Variants in NOP58 observed in about 807,000 individuals in gnomAD.
NOP58 encodes NOP58 ribonucleoprotein.
A neutral mutation model predicts 71.2 loss-of-function variants in NOP58; 44 were observed. That is an observed-to-expected ratio of 0.62 (90% CI 0.49 to 0.79). NOP58 has a LOEUF of 0.79. NOP58 is among the 30% of genes least tolerant of loss of function. The pLI is 0.00. For synonymous variants in NOP58, 228 were observed against 200.3 expected (o/e 1.14, Z -1.17); for missense variants, 538 against 620.2 (o/e 0.87, Z 1.41).
intron 1 of NOP58, among the ~76,000 whole-genome samples, chr2:202,268,307 G>C (rs1350409021): frequency 2.0e-5 from 3 of 151,978 alleles, no homozygotes; most frequent in Non-Finnish European, 2.9e-5. Context: ...GGCCGAGGCC[G>C]GCGGATCACA....
chr2:202,297,247 A>AT, intron 10 of NOP58, 132 bp from the exon 11 acceptor site: 1 of 761,176 alleles, frequency 1.3e-6, no homozygotes, highest in Non-Finnish European at 2.0e-6. Flanking sequence ...ATTGTGGCAA[A>AT]GGTTGAAATA....
intron 3 of NOP58, 26 bp from the exon 4 acceptor site, chr2:202,282,324 GC>G (rs764400970): frequency 1.9e-6 from 3 of 1,583,988 alleles, no homozygotes; most frequent in Non-Finnish European, 2.6e-6. Flanking sequence ...GAGAGTTAAT[GC>G]TTTTGTTTTT....
At chr2:202,273,904 C>CT (rs1688546804) in intron 1 of NOP58, among the ~76,000 whole-genome samples, 1 of 151,098 alleles carries the variant, frequency 6.6e-6, no homozygotes, top group Non-Finnish European at 1.5e-5. Flanking sequence ...GATTGCGCCA[C>CT]TGCACTCCAG....
chr2:202,284,639 A>G (rs1211186761), intron 5 of NOP58, 158 bp downstream of exon 5: 18 of 730,874 alleles, frequency 2.5e-5, no homozygotes, highest in Non-Finnish European at 3.8e-5. Context: ...ACTGAAGCCC[A>G]AGGTCAATAC....
chr2:202,265,790 A>C lies in NOP58; in HGVS notation c.-152A>C, dbSNP rs1224780183. The C allele has an allele frequency of 1.3e-5, 10 of 762,754 alleles. No individual in the cohort carries two copies. Among genetic ancestry groups the C allele is most frequent in the Non-Finnish European group, 2.2e-5 (10 of 447,422 alleles). 47.2% of individuals were successfully genotyped at this position (762,754 alleles called of 1,614,324 possible). ...AGTTCCAGTACAGCGTGGAGGGTTT[A>C]GGCAGCGTGTTCTGATTCTTTGCGG... On this transcript the variant is annotated 5_prime_UTR_variant, in exon 1 of 15. Coordinates refer to ENST00000264279, the MANE Select transcript of NOP58 (RefSeq NM_015934.5).
Position 202,290,363 on chromosome 2 carries a change from T to G in NOP58, c.540T>G (p.Ile180Met), listed in dbSNP as rs1175872067. Reference sequence around the variant, plus strand: ...TGGATAAAGAACTAAACAACTACATTATGCGATGTAGAGAATGGTATGGCT... The same window carrying G: ...TGGATAAAGAACTAAACAACTACATGATGCGATGTAGAGAATGGTATGGCT... Reference protein sequence around the residue: ...DDLDKELNNYIMRCREWYGWH... With the variant: ...DDLDKELNNYMMRCREWYGWH... The change falls in exon 7 of 15, where the codon ATT becomes ATG. Residue 180 changes from isoleucine to methionine, a missense_variant. By Grantham distance (10) the Ile-to-Met change is conservative (BLOSUM62 1). Transcript: ENST00000264279. The G allele has an allele frequency of 6.2e-7, 1 of 1,605,132 alleles. No individual in the cohort carries two copies. Among genetic ancestry groups the G allele is most frequent in the South Asian group, 1.1e-5 (1 of 90,666 alleles).
At chr2:202,278,899 T>C (rs1688653649) in intron 3 of NOP58, among the ~76,000 whole-genome samples, 1 of 152,180 alleles carries the variant, frequency 6.6e-6, no homozygotes, top group Non-Finnish European at 1.5e-5. Context: ...CACCCTAACC[T>C]TGGCAGAGGG....
At chr2:202,284,592 G>A in intron 5 of NOP58, 111 bp downstream of exon 5, 2 of 1,140,344 alleles carry the variant, frequency 1.8e-6, no homozygotes, top group Non-Finnish European at 2.5e-6. Context: ...AGAACCTTAT[G>A]AAGAAGATGA....
intron 6 of NOP58, among the ~76,000 whole-genome samples, chr2:202,288,895 A>T (rs1264097193): frequency 1.3e-5 from 2 of 151,994 alleles, no homozygotes; most frequent in Admixed American, 1.3e-4. Flanking sequence ...AAGGCGGGTG[A>T]ATTGCCTGAG....
At chr2:202,278,196 G>C in intron 3 of NOP58, 194 bp downstream of exon 3, 1 of 675,826 alleles carries the variant, frequency 1.5e-6, no homozygotes, top group South Asian at 1.4e-5. Context: ...CATTGAGTTA[G>C]CTTTTTTCAC....
chr2:202,293,098 A>G (rs759111547), intron 9 of NOP58, 195 bp downstream of exon 9: 2 of 757,256 alleles, frequency 2.6e-6, no homozygotes, highest in Non-Finnish European at 4.8e-6. Flanking sequence ...CTTTTGGATA[A>G]TGAAGGCATC....
rs1469533657 is a variant in NOP58, at chr2:202,303,551, A to G, written c.*115A>G. 2 of 1,344,122 alleles carry G rather than the reference A, an allele frequency of 1.5e-6. No individual in the cohort carries two copies. Among genetic ancestry groups the G allele is most frequent in the East Asian group, 2.5e-5 (1 of 39,240 alleles). 83.3% of individuals were successfully genotyped at this position (1,344,122 alleles called of 1,614,324 possible). A position where few individuals can be genotyped will look rare whatever the true frequency, so the allele number is the denominator to read the frequency against. ...AGGGAAGGTTCAGTAAGACAAAGTG[A>G]TTTATCATCTATAACTTCAAACCTA... is the stretch of plus-strand genomic sequence containing the variant. On this transcript the variant is annotated 3_prime_UTR_variant, in exon 15 of 15. Transcript: ENST00000264279.
chr2:202,275,903 A>G (rs757802307), intron 2 of NOP58, among the ~76,000 whole-genome samples: 1 of 152,172 alleles, frequency 6.6e-6, no homozygotes, highest in Non-Finnish European at 1.5e-5. Flanking sequence ...TCCTGACCTC[A>G]GGCGATCCGC....
chr2:202,273,328 A>T (rs1462069055), intron 1 of NOP58, among the ~76,000 whole-genome samples: 1 of 152,204 alleles, frequency 6.6e-6, no homozygotes, highest in Admixed American at 6.5e-5. Context: ...ATTGCTAATA[A>T]AGACCATCTA....
chr2:202,284,314 T>A (rs532780344), intron 4 of NOP58, 31 bp from the exon 5 acceptor site: 330 of 1,474,306 alleles, frequency 2.2e-4, no homozygotes, highest in Non-Finnish European at 2.7e-4. Context: ...TTTTTTTTTT[T>A]AATTTAATAT....
chr2:202,266,003 G>C lies in NOP58; in HGVS notation c.45+17G>C. ...ATCTTTAAGGTAGGTGGGAGAGCGA[G>C]CCGTTAAAGGGGGAAGGCGGATGCT... On this transcript the variant is annotated intron_variant, in intron 1 of 14. Transcript: ENST00000264279. 1 of 1,613,904 alleles carries C rather than the reference G, an allele frequency of 6.2e-7. No individual in the cohort carries two copies. The highest frequency in any genetic ancestry group is 1.1e-5 in the South Asian group (1 of 91,080).
rs752570636 is a variant in NOP58, at chr2:202,290,334, G to T, written c.511G>T (p.Asp171Tyr). 5 of 1,603,060 alleles carry T rather than the reference G, an allele frequency of 3.1e-6. No individual in the cohort carries two copies. Among genetic ancestry groups the T allele is most frequent in the Non-Finnish European group, 3.4e-6 (4 of 1,174,718 alleles). The change falls in exon 7 of 15, where the codon GAC becomes TAC. Residue 171 changes from aspartate (D) to tyrosine (Y), a missense_variant. Coordinates refer to ENST00000264279, the MANE Select transcript of NOP58 (RefSeq NM_015934.5). ...MIVQAISLLD[D>Y]LDKELNNYIM... ...TTAATCTACTACAGCCTTGTTAGAT[G>T]ACTTGGATAAAGAACTAAACAACTA...
chr2:202,265,941 C>T lies in NOP58; in HGVS notation c.-1C>T. 6.2e-7 allele frequency: 1 copy of T among 1,614,194 alleles called. No homozygotes were observed. Among genetic ancestry groups the T allele is most frequent in the Non-Finnish European group, 8.5e-7 (1 of 1,180,038 alleles). ...GTGCGGCGCCCTGACCCGGCCTCAC[C>T]ATGTTGGTGCTGTTTGAAACGTCTG... is the stretch of plus-strand genomic sequence containing the variant. On this transcript the variant is annotated 5_prime_UTR_variant, in exon 1 of 15. Transcript: ENST00000264279.
At chr2:202,284,589 T>C in intron 5 of NOP58, 108 bp downstream of exon 5, 1 of 1,165,450 alleles carries the variant, frequency 8.6e-7, no homozygotes, top group Non-Finnish European at 1.2e-6. Flanking sequence ...ATCAGAACCT[T>C]ATGAAGAAGA....
Sources: gnomAD v4.1 joint callset for allele counts (sites outside exome capture counted in the v4.1 genomes callset) on GRCh38, gnomAD v4.1.1 for gene constraint, MANE v1.5 for transcripts, NCBI Gene and HGNC (gene_info 2026-07-23, HGNC 2026-07-21) for gene names.